Variants in NTN1 observed in about 807,000 individuals in gnomAD.
NTN1 encodes the protein netrin-1.
In NTN1, 11 loss-of-function variants were observed where a neutral mutation model predicts 54.2. The ratio of observed to expected loss-of-function variants is 0.20; its 90% CI spans 0.13 to 0.34. NTN1 has a LOEUF of 0.34. Ranked by LOEUF, NTN1 falls within the 10% of genes least tolerant of loss-of-function variation. The pLI, the probability that NTN1 is intolerant of heterozygous loss-of-function variation, is 1.00. For missense variants in NTN1, 740 were observed against 893.1 expected, an observed-to-expected ratio of 0.83 and a Z score of 2.18; for synonymous variants, 371 against 382.0, an observed-to-expected ratio of 0.97 and a Z score of 0.33.
the NTN1 span, among the ~76,000 whole-genome samples, chr17:9,015,139 G>A: frequency 3.9e-5 from 6 of 152,328 alleles, no homozygotes; most frequent in South Asian, 2.1e-4. Context: ...AGCCAGGCAC[G>A]GTGGCTCATG....
intron 5 of NTN1, among the ~76,000 whole-genome samples, chr17:9,203,423 A>G (rs966912065): frequency 3.9e-5 from 6 of 152,218 alleles, no homozygotes; most frequent in African/African-American, 1.4e-4. Context: ...TACCTTCCAA[A>G]GAATCTGAAG....
At chr17:9,013,965 A>G in the NTN1 span, among the ~76,000 whole-genome samples, 161 of 152,302 alleles carry the variant, frequency 1.1e-3, 4 homozygotes, top group Admixed American at 9.5e-3. Context: ...TGGTTCCCCC[A>G]TCCACAGGCA....
At chr17:9,091,013 G>C (rs2092108771) in intron 2 of NTN1, among the ~76,000 whole-genome samples, 1 of 152,122 alleles carries the variant, frequency 6.6e-6, no homozygotes. Flanking sequence ...CAGCTGAGGA[G>C]GGCACTGGCT....
At chr17:9,155,170 G>A (rs1036731018) in intron 2 of NTN1, among the ~76,000 whole-genome samples, 2 of 152,182 alleles carry the variant, frequency 1.3e-5, no homozygotes, top group Non-Finnish European at 2.9e-5. Context: ...GTTGAAAACA[G>A]TGCAATTACT....
intron 2 of NTN1, among the ~76,000 whole-genome samples, chr17:9,051,098 C>CACCCTGGGG (rs1175518336): frequency 2.6e-5 from 4 of 152,164 alleles, no homozygotes; most frequent in Non-Finnish European, 5.9e-5. Flanking sequence ...AGGCAGAGGA[C>CACCCTGGGG]ACCCTGGGGA....
At chr17:9,220,548 C>A (rs1290934870) in intron 5 of NTN1, among the ~76,000 whole-genome samples, 1 of 152,106 alleles carries the variant, frequency 6.6e-6, no homozygotes, top group African/African-American at 2.4e-5. Context: ...GCCCTGGAAT[C>A]CCCCAGTGAT....
chr17:9,026,391 C>G (rs1164148123), intron 2 of NTN1, among the ~76,000 whole-genome samples: 10 of 137,900 alleles, frequency 7.3e-5, no homozygotes, highest in Admixed American at 2.9e-4. Context: ...GGATTTCTTC[C>G]GGGGGGGGGG....
intron 2 of NTN1, among the ~76,000 whole-genome samples, chr17:9,108,368 C>T (rs1747340579): frequency 6.6e-6 from 1 of 152,094 alleles, no homozygotes; most frequent in Non-Finnish European, 1.5e-5. Flanking sequence ...GTACCCTGGC[C>T]CTCTCCCTAC....
chr17:9,224,804 T>TG (rs200491836), intron 6 of NTN1, among the ~76,000 whole-genome samples: 21 of 125,338 alleles, frequency 1.7e-4, no homozygotes, highest in African/African-American at 4.5e-4. Flanking sequence ...GGGGATGGGG[T>TG]GGGGGGGCAC....
chr17:9,015,896 C>A, the NTN1 span, among the ~76,000 whole-genome samples: 4 of 152,052 alleles, frequency 2.6e-5, no homozygotes, highest in African/African-American at 9.7e-5. Context: ...CATAATGAAA[C>A]CCTGTCTCTA....
At chr17:9,193,925 A>AAAAAAAAAAAAAACAAAAC (rs1904542240) in intron 5 of NTN1, among the ~76,000 whole-genome samples, 2 of 132,608 alleles carry the variant, frequency 1.5e-5, no homozygotes, top group African/African-American at 5.9e-5. Context: ...CCGACTAAAA[A>AAAAAAAAAAAAAACAAAAC]AAAAAAAAAA....
chr17:9,088,304 T>C (rs970580170), intron 2 of NTN1, among the ~76,000 whole-genome samples: 1 of 152,206 alleles, frequency 6.6e-6, no homozygotes, highest in African/African-American at 2.4e-5. Flanking sequence ...ATTGTCCTGC[T>C]CTTAAAGATT....
chr17:9,121,849 C>T (rs1377530402), intron 2 of NTN1, among the ~76,000 whole-genome samples: 1 of 152,170 alleles, frequency 6.6e-6, no homozygotes, highest in Admixed American at 6.5e-5. Context: ...CCCACACCTA[C>T]TTCCTCAAAT....
Position 9,184,307 on chromosome 17 carries a change from C to T in NTN1, c.1411+1338C>T, listed in dbSNP as rs149181728. Among the ~76,000 whole-genome samples the T allele has an allele frequency of 2.8e-3, 433 of 152,226 alleles. 3 individuals are homozygous for T. Among genetic ancestry groups the T allele is most frequent in the African/African-American group, 9.9e-3 (412 of 41,542 alleles). The stretch of plus-strand genomic sequence containing the variant: ...CCTTTAGGGACTTTTGGTTGAGCCC[C>T]ATGCAGGGGAAATGGCGAAGAGAAG... On this transcript the variant is annotated intron_variant, in intron 5 of 6. Transcript: ENST00000173229.
chr17:9,065,396 T>C (rs1265387526), intron 2 of NTN1, among the ~76,000 whole-genome samples: 3 of 152,184 alleles, frequency 2.0e-5, no homozygotes, highest in African/African-American at 7.2e-5. Flanking sequence ...TTCCCACTCT[T>C]CTGTCTGCTC....
chr17:9,064,692 G>A (rs980718406), intron 2 of NTN1, among the ~76,000 whole-genome samples: 11 of 152,148 alleles, frequency 7.2e-5, no homozygotes, highest in African/African-American at 2.7e-4. Flanking sequence ...CCCCCTGGAT[G>A]GCTCTGGTAG....
In NTN1 at chr17:9,115,097, A is replaced by T. The variant is rs149634711; in HGVS notation, c.1019-47716A>T. On this transcript the variant is annotated intron_variant, in intron 2 of 6. Transcript: ENST00000173229. ...GCAGTAGAAAATTCTGCTCTGTGCA[A>T]ACTCCTGTTCGTCAGTTCTGTGACA... is the stretch of plus-strand genomic sequence containing the variant. Among the ~76,000 whole-genome samples the T allele has an allele frequency of 8.5e-5, 13 of 152,274 alleles. No homozygotes were observed. In the East Asian group the frequency reaches 2.5e-3, roughly 29 times the overall value.
intron 2 of NTN1, among the ~76,000 whole-genome samples, chr17:9,082,998 G>A (rs1345562580): frequency 8.5e-5 from 13 of 152,136 alleles, no homozygotes; most frequent in Non-Finnish European, 1.9e-4. Flanking sequence ...AGTGTCTAGA[G>A]ACAGGAGGTT....
chr17:9,116,714 C>A (rs923604751), intron 2 of NTN1, among the ~76,000 whole-genome samples: 1 of 152,138 alleles, frequency 6.6e-6, no homozygotes, highest in Admixed American at 6.5e-5. Flanking sequence ...GTACAGAGCG[C>A]GTTTGTGTTG....
Sources: gnomAD v4.1 joint callset for allele counts (sites outside exome capture counted in the v4.1 genomes callset) on GRCh38, gnomAD v4.1.1 for gene constraint, MANE v1.5 for transcripts, NCBI Gene and HGNC (gene_info 2026-07-23, HGNC 2026-07-21) for gene names.